SKP2: variants seen among roughly 807,000 people sequenced by gnomAD.
The protein encoded by SKP2 is S-phase kinase-associated protein 2.
A neutral mutation model predicts 51.8 loss-of-function variants in SKP2; 16 were observed. The ratio of observed to expected loss-of-function variants is 0.31; its 90% CI spans 0.21 to 0.47. SKP2 has a LOEUF of 0.47. SKP2 is among the 20% of genes least tolerant of loss of function. SKP2 has a pLI of 1.00. For missense variants in SKP2, 377 were observed against 505.3 expected (o/e 0.75, Z 2.43); for synonymous variants, 176 against 198.6 (o/e 0.89, Z 0.96).
chr5:36,174,970 A>G (rs921046423), intron 7 of SKP2, among the ~76,000 whole-genome samples: 18 of 152,152 alleles, frequency 1.2e-4, no homozygotes, highest in Non-Finnish European at 2.6e-4. Context: ...TTCCTAAGTG[A>G]CATGGGATAT....
At chr5:36,180,094 A>C (rs1443311255) in intron 9 of SKP2, 4 of 437,792 alleles carry the variant, frequency 9.1e-6, no homozygotes, top group Non-Finnish European at 1.8e-5. Context: ...TGTTGCAAGA[A>C]CATGTCCTCC....
chr5:36,164,101 G>A (rs1745211753), intron 3 of SKP2, among the ~76,000 whole-genome samples: 1 of 152,184 alleles, frequency 6.6e-6, no homozygotes, highest in Non-Finnish European at 1.5e-5. Context: ...TGAGCAGTGA[G>A]CACAATAGGG....
Position 36,182,589 on chromosome 5 carries a change from T to C in SKP2, c.*558T>C. 5.1e-6 allele frequency: 5 copies of C among 982,796 alleles called. No homozygotes were observed. The highest frequency in any genetic ancestry group is 6.0e-6 in the Non-Finnish European group (5 of 827,586). 60.9% of individuals were successfully genotyped at this position (982,796 alleles called of 1,614,324 possible). ...GCCTTTAGATTTGAAATTAGGTTAA[T>C]AGAAATAAGTAACCCCATGTAATTC... On this transcript the variant is annotated 3_prime_UTR_variant, in exon 10 of 10. Coordinates refer to ENST00000274255, the MANE Select transcript of SKP2 (RefSeq NM_005983.4).
At chr5:36,164,382 T>C (rs1390425963) in intron 3 of SKP2, among the ~76,000 whole-genome samples, 1 of 152,026 alleles carries the variant, frequency 6.6e-6, no homozygotes, top group African/African-American at 2.4e-5. Context: ...GTGTGGAAGG[T>C]GAGTTGCATG....
In SKP2 at chr5:36,183,740, C is replaced by T; in HGVS notation, c.*1709C>T. 1.4e-6 allele frequency: 2 copies of T among 1,445,820 alleles called. No individual in the cohort carries two copies. Among genetic ancestry groups the T allele is most frequent in the East Asian group, 2.5e-5 (1 of 40,436 alleles). 89.6% of individuals were successfully genotyped at this position (1,445,820 alleles called of 1,614,324 possible). A position where few individuals can be genotyped will look rare whatever the true frequency, so the allele number is the denominator to read the frequency against. ...ATGAAGTGCCTTTATCTGCTTAGAC[C>T]TAAGGAAGATTTTAAAGTTGGGTTG... On this transcript the variant is annotated 3_prime_UTR_variant, in exon 10 of 10. Transcript: ENST00000274255.
At chr5:36,190,002 C>T (rs996189951) in intron 6 of SKP2, among the ~76,000 whole-genome samples, 1 of 152,196 alleles carries the variant, frequency 6.6e-6, no homozygotes, top group Non-Finnish European at 1.5e-5. Flanking sequence ...GCTCCATGGG[C>T]ATGGGACCCT....
intron 5 of SKP2, among the ~76,000 whole-genome samples, chr5:36,168,659 G>C (rs1482263435): frequency 6.6e-6 from 1 of 152,200 alleles, no homozygotes; most frequent in Non-Finnish European, 1.5e-5. Flanking sequence ...CTAGGTTCTA[G>C]AGATACAAGT....
chr5:36,162,418 T>C (rs1745151231), intron 2 of SKP2, among the ~76,000 whole-genome samples: 1 of 152,358 alleles, frequency 6.6e-6, no homozygotes, highest in South Asian at 2.1e-4. Context: ...CTGACCACCA[T>C]GTTCAAACTT....
chr5:36,191,869 A>C (rs969355373), intron 6 of SKP2, among the ~76,000 whole-genome samples: 2 of 150,352 alleles, frequency 1.3e-5, no homozygotes, highest in African/African-American at 5.0e-5. Flanking sequence ...TAACCCTTCA[A>C]GATACAAGTC....
chr5:36,182,432 T>A lies in SKP2; in HGVS notation c.*401T>A. 1.0e-6 allele frequency: 1 copy of A among 997,908 alleles called. No homozygotes were observed. Among genetic ancestry groups the A allele is most frequent in the Non-Finnish European group, 1.2e-6 (1 of 836,092 alleles). The allele number at this position is 997,908 out of a possible 1,614,324, so 61.8% of individuals were successfully genotyped here. A position where few individuals can be genotyped will look rare whatever the true frequency, so the allele number is the denominator to read the frequency against. ...TTTTATCTATTTAATTTTATAGTAT[T>A]GCTTTATAAGACAGCTTAGAAGAAC... On this transcript the variant is annotated 3_prime_UTR_variant, in exon 10 of 10. Coordinates refer to ENST00000274255, the MANE Select transcript of SKP2 (RefSeq NM_005983.4).
At chr5:36,189,114 T>A (rs1745981683), downstream of SKP2, among the ~76,000 whole-genome samples, 1 of 152,214 alleles carries the variant, frequency 6.6e-6, no homozygotes, top group African/African-American at 2.4e-5. Flanking sequence ...GTTATTCTAG[T>A]TAGCCATTCG....
chr5:36,154,356 A>G (rs1348935230), intron 2 of SKP2, among the ~76,000 whole-genome samples: 1 of 152,116 alleles, frequency 6.6e-6, no homozygotes, highest in Non-Finnish European at 1.5e-5. Context: ...TATTTGTTCC[A>G]GGAACAGGGA....
At position 36,182,151 on chromosome 5, in the gene SKP2, A is replaced by T; in HGVS notation, c.*120A>T. 6.9e-7 allele frequency: 1 copy of T among 1,453,914 alleles called. No individual in the cohort carries two copies. The highest frequency in any genetic ancestry group is 2.5e-5 in the East Asian group (1 of 40,212). The allele number at this position is 1,453,914 out of a possible 1,614,324, so 90.1% of individuals were successfully genotyped here. ...TTCCCTTTGCCTTCATTCTGCAAGTATACTAGGGAGCCATTTGAGAGGGAA... is the reference window on the plus strand; with the variant it reads ...TTCCCTTTGCCTTCATTCTGCAAGTTTACTAGGGAGCCATTTGAGAGGGAA... On this transcript the variant is annotated 3_prime_UTR_variant, in exon 10 of 10. Transcript: ENST00000274255.
chr5:36,183,928 C>CAT lies in SKP2; in HGVS notation c.*1899_*1900dup, dbSNP rs1745898371. The CAT allele has an allele frequency of 6.2e-7, 1 of 1,611,370 alleles. No individual in the cohort carries two copies. The highest frequency in any genetic ancestry group is 1.1e-5 in the South Asian group (1 of 90,842). ...CAGAACTTCCAAACTCAAGTCCAGC[C>CAT]ATAAGCTATTTTGCCAACATGTCAG... On this transcript the variant is annotated 3_prime_UTR_variant, in exon 10 of 10. Transcript: ENST00000274255.
chr5:36,157,062 T>C (rs1056066539), intron 2 of SKP2, among the ~76,000 whole-genome samples: 7 of 152,218 alleles, frequency 4.6e-5, no homozygotes, highest in African/African-American at 1.7e-4. Flanking sequence ...TATATGTACA[T>C]ATATGCTAGT....
intron 6 of SKP2, among the ~76,000 whole-genome samples, chr5:36,191,774 C>G (rs1295519855): frequency 6.6e-6 from 1 of 152,108 alleles, no homozygotes; most frequent in Non-Finnish European, 1.5e-5. Flanking sequence ...ATGGAACAAG[C>G]AAGATGACAA....
intron 2 of SKP2, among the ~76,000 whole-genome samples, chr5:36,153,943 A>G (rs1430309346): frequency 1.3e-5 from 2 of 152,340 alleles, no homozygotes; most frequent in East Asian, 3.9e-4. Flanking sequence ...TATTTAAAAC[A>G]GTAATACAGC....
chr5:36,161,033 G>A (rs546065408), intron 2 of SKP2, among the ~76,000 whole-genome samples: 1 of 152,146 alleles, frequency 6.6e-6, no homozygotes, highest in Admixed American at 6.5e-5. Flanking sequence ...CTCCAGAAAG[G>A]CTTCCCTAAC....
chr5:36,164,820 AG>A (rs1388554098), intron 3 of SKP2, among the ~76,000 whole-genome samples: 2 of 152,254 alleles, frequency 1.3e-5, no homozygotes, highest in African/African-American at 4.8e-5. Context: ...TATATATTTA[AG>A]GTATACAGCA....
Sources: gnomAD v4.1 joint callset for allele counts (sites outside exome capture counted in the v4.1 genomes callset) on GRCh38, gnomAD v4.1.1 for gene constraint, MANE v1.5 for transcripts, NCBI Gene and HGNC (gene_info 2026-07-23, HGNC 2026-07-21) for gene names.